The following MYLK variants were observed in gnomAD, a reference collection of about 807,000 sequenced individuals.
MYLK encodes myosin light chain kinase, smooth muscle.
Under a neutral mutation model 203.4 loss-of-function variants are expected in MYLK, and 106 were observed. The observed-to-expected ratio is 0.52, with a 90% CI of 0.45 to 0.61. MYLK has a LOEUF of 0.61. Ranked by LOEUF, MYLK falls within the 20% of genes least tolerant of loss-of-function variation. The probability of loss-of-function intolerance (pLI) is 0.00; values close to 1 mark genes in which losing one functional copy is unlikely to be tolerated. For missense variants in MYLK, 2,072 were observed against 2,442.3 expected, an observed-to-expected ratio of 0.85 and a Z score of 3.20; for synonymous variants, 867 against 959.5, an observed-to-expected ratio of 0.90 and a Z score of 1.78.
intron 4 of MYLK, among the ~76,000 whole-genome samples, chr3:123,780,033 C>T (rs141285786): frequency 6.6e-6 from 1 of 152,184 alleles, no homozygotes; most frequent in Non-Finnish European, 1.5e-5. Flanking sequence ...GTTTACTGAA[C>T]GAACCTGCAA....
chr3:123,694,764 C>T (rs1025087740), intron 18 of MYLK, among the ~76,000 whole-genome samples: 2 of 152,258 alleles, frequency 1.3e-5, no homozygotes, highest in African/African-American at 2.4e-5. Context: ...GGCAGCTTTT[C>T]CAACCTGCCC....
At position 123,811,764 on chromosome 3, in the gene MYLK, T is replaced by C. The variant is rs571850761; in HGVS notation, c.-3-17920A>G. 2.6e-5 allele frequency among the ~76,000 whole-genome samples: 4 copies of C among 152,296 alleles called. 1 individual carries two copies. The South Asian group carries it at 8.3e-4, about 32-fold the overall frequency. On this transcript the variant is annotated intron_variant, in intron 3 of 33. Transcript: ENST00000360304. ...AAACGGCAATTCTAGTGCCAGAACA[T>C]TTTCTTTCAAGCAATTTAGGTAAGC...
intron 29 of MYLK, among the ~76,000 whole-genome samples, chr3:123,635,692 A>T (rs2058617620): frequency 6.6e-6 from 1 of 152,224 alleles, no homozygotes; most frequent in African/African-American, 2.4e-5. Flanking sequence ...ATGTTCCTCC[A>T]CCGAAAAGAA....
intron 2 of MYLK, among the ~76,000 whole-genome samples, chr3:123,845,843 C>T (rs2029913628): frequency 2.0e-5 from 3 of 152,098 alleles, no homozygotes; most frequent in Non-Finnish European, 2.9e-5. Context: ...AAAAATTCCA[C>T]CACCTCCCCA....
Position 123,700,490 on chromosome 3 carries a change from G to A in MYLK, c.2978C>T (p.Ala993Val), listed in dbSNP as rs753339459. The stretch of plus-strand genomic sequence containing the variant: ...CTCGGCACTGCTGCTGCCATTCTCT[G>A]CTGGTAATTTCTTCTTGCCACCCAG... ...SVLGGKKKLP[A>V]ENGSSSAETL... The change falls in exon 18 of 34, where the codon GCA (alanine) becomes GTA (valine). Residue 993 changes from alanine to valine, a missense_variant. By Grantham distance (64) the Ala-to-Val change is moderately conservative (BLOSUM62 0). This residue lies in a region of MYLK where 865 missense variants were observed against 1,016.0 expected (regional missense o/e 0.85). Coordinates refer to ENST00000360304, the MANE Select transcript of MYLK (RefSeq NM_053025.4). 3 of 1,607,960 alleles carry A rather than the reference G, an allele frequency of 1.9e-6. No homozygotes were observed. In the East Asian group the frequency reaches 6.7e-5, roughly 36 times the overall value.
chr3:123,793,900 TC>T, intron 3 of MYLK, 56 bp from the exon 4 acceptor site: 1 of 1,596,956 alleles, frequency 6.3e-7, no homozygotes, highest in African/African-American at 1.3e-5. Flanking sequence ...AGCCCTGTCT[TC>T]CCTTCAGGCA....
chr3:123,659,754 C>T, intron 23 of MYLK: 1 of 510,036 alleles, frequency 2.0e-6, no homozygotes, highest in African/African-American at 1.9e-5. Context: ...GCGACACACT[C>T]AGACTGGGAG....
chr3:123,709,438 C>A, intron 14 of MYLK: 1 of 366,998 alleles, frequency 2.7e-6, no homozygotes, highest in Non-Finnish European at 5.2e-6. Flanking sequence ...CCGTGCCCGG[C>A]CCATAATCTG....
chr3:123,667,944 G>A (rs1159253481), intron 20 of MYLK, among the ~76,000 whole-genome samples: 1 of 152,182 alleles, frequency 6.6e-6, no homozygotes, highest in Non-Finnish European at 1.5e-5. Context: ...CTGTTGACTG[G>A]TGGCTTTCAT....
intron 23 of MYLK, 101 bp from the exon 24 acceptor site, chr3:123,657,529 C>T: frequency 8.1e-7 from 1 of 1,235,326 alleles, no homozygotes; most frequent in Non-Finnish European, 1.1e-6. Context: ...GCCTAGAGAA[C>T]CCAATCCAAA....
At chr3:123,694,686 G>A (rs2108536987) in intron 18 of MYLK, among the ~76,000 whole-genome samples, 1 of 152,362 alleles carries the variant, frequency 6.6e-6, no homozygotes, top group Non-Finnish European at 1.5e-5. Context: ...TGCAAAGACA[G>A]TACACAGAGA....
In MYLK at chr3:123,648,893, C is replaced by G. The variant is rs545778332; in HGVS notation, c.4415+78G>C. 3 of 1,246,982 alleles carry G rather than the reference C, an allele frequency of 2.4e-6. No homozygotes were observed. Among genetic ancestry groups the G allele is most frequent in the African/African-American group, 3.0e-5 (2 of 67,730 alleles). 77.2% of individuals were successfully genotyped at this position (1,246,982 alleles called of 1,614,324 possible). A position where few individuals can be genotyped will look rare whatever the true frequency, so the allele number is the denominator to read the frequency against. ...GCAGGCCCCAGGGAGCAACAGGAAGCTGAGGCACTGAATCTAACTGTGAGA... is the reference window on the plus strand; with the variant it reads ...GCAGGCCCCAGGGAGCAACAGGAAGGTGAGGCACTGAATCTAACTGTGAGA... On this transcript the variant is annotated intron_variant, in intron 26 of 33. Transcript: ENST00000360304. This position sits in a 1 kb window ranked among gnomAD's most constrained non-coding sequence, Gnocchi z 4.5.
intron 19 of MYLK, among the ~76,000 whole-genome samples, chr3:123,684,785 G>T (rs960175825): frequency 6.6e-6 from 1 of 152,178 alleles, no homozygotes; most frequent in Non-Finnish European, 1.5e-5. Flanking sequence ...ATCTGCCTGC[G>T]TCAGCCTCCC....
At chr3:123,624,098 A>G (rs1175077414) in intron 31 of MYLK, 1 of 152,170 alleles carries the variant, frequency 6.6e-6, no homozygotes, top group Non-Finnish European at 1.5e-5. Flanking sequence ...ACGCAGCAGC[A>G]TCGCTTGAGG....
intron 27 of MYLK, chr3:123,646,933 G>A: frequency 2.1e-6 from 1 of 476,170 alleles, no homozygotes; most frequent in Non-Finnish European, 3.8e-6. Flanking sequence ...CTTTCATGGG[G>A]AGATGAGGGC....
At chr3:123,726,423 T>G (rs973148874) in intron 11 of MYLK, among the ~76,000 whole-genome samples, 1 of 152,230 alleles carries the variant, frequency 6.6e-6, no homozygotes, top group Admixed American at 6.5e-5. Context: ...AGCTCCTTCC[T>G]GCTTGTTGGT....
At chr3:123,645,593 C>T (rs2058989136) in intron 27 of MYLK, among the ~76,000 whole-genome samples, 1 of 152,214 alleles carries the variant, frequency 6.6e-6, no homozygotes, top group Non-Finnish European at 1.5e-5. Context: ...AATGTGCATA[C>T]CCTTTAACCC....
At chr3:123,722,475 G>A (rs947450769) in intron 12 of MYLK, among the ~76,000 whole-genome samples, 195 bp from the exon 13 acceptor site, 1 of 152,246 alleles carries the variant, frequency 6.6e-6, no homozygotes, top group East Asian at 1.9e-4. Context: ...AAGAGCCAGG[G>A]GCTAAGGAGA....
chr3:123,780,265 C>T (rs2109027204), intron 4 of MYLK, among the ~76,000 whole-genome samples: 1 of 152,152 alleles, frequency 6.6e-6, no homozygotes, highest in African/African-American at 2.4e-5. Context: ...GAAACCCCAT[C>T]TCTACTAAAA....
Sources: gnomAD v4.1 joint callset for allele counts (sites outside exome capture counted in the v4.1 genomes callset) on GRCh38, gnomAD v4.1.1 for gene constraint, gnomAD v4.1.1 regional missense constraint, Gnocchi (gnomAD v3.1) non-coding constraint, MANE v1.5 for transcripts, NCBI Gene and HGNC (gene_info 2026-07-23, HGNC 2026-07-21) for gene names.